The following KCNB2 variants were observed in gnomAD, a reference collection of about 807,000 sequenced individuals.
KCNB2 encodes the protein potassium voltage-gated channel subfamily B member 2.
KCNB2 carries 15 observed loss-of-function variants against 61.5 expected under a neutral mutation model. The observed-to-expected ratio is 0.24, with a 90% confidence interval of 0.16 to 0.38. The LOEUF is 0.38. KCNB2 is among the 10% of genes least tolerant of loss of function. KCNB2 has a pLI of 1.00. For synonymous variants in KCNB2, 457 were observed against 446.0 expected (o/e 1.02, Z -0.31); for missense variants, 828 against 1,125.2 (o/e 0.74, Z 3.78).
At chr8:72,592,667 T>C (rs182215817) in intron 2 of KCNB2, among the ~76,000 whole-genome samples, 166 of 152,290 alleles carry the variant, frequency 1.1e-3, no homozygotes, top group African/African-American at 3.7e-3. Flanking sequence ...ATTTCCTTTT[T>C]CTTGTCTTGG....
intron 2 of KCNB2, among the ~76,000 whole-genome samples, chr8:72,867,849 G>A (rs1585942561): frequency 6.6e-6 from 1 of 152,132 alleles, no homozygotes; most frequent in Middle Eastern, 3.4e-3. Context: ...TCTAGACTAG[G>A]GCGGTGGAGC....
intron 2 of KCNB2, among the ~76,000 whole-genome samples, chr8:72,588,770 G>T (rs567731307): frequency 2.0e-5 from 3 of 152,052 alleles, no homozygotes; most frequent in South Asian, 2.1e-4. Context: ...AATTAGCCAG[G>T]CTGTAGTCCT....
chr8:72,712,003 A>G (rs950913566), intron 2 of KCNB2, among the ~76,000 whole-genome samples: 4 of 152,220 alleles, frequency 2.6e-5, no homozygotes, highest in African/African-American at 9.6e-5. Flanking sequence ...AGAAAAAGAA[A>G]AAGTGAATTA....
intron 2 of KCNB2, among the ~76,000 whole-genome samples, chr8:72,793,379 C>A (rs1323229865): frequency 6.6e-6 from 1 of 152,232 alleles, no homozygotes; most frequent in Middle Eastern, 3.4e-3. Context: ...AGCCAAGAAA[C>A]AAATGACAAG....
chr8:72,929,683 A>C (rs899094699), intron 2 of KCNB2, among the ~76,000 whole-genome samples: 2 of 152,200 alleles, frequency 1.3e-5, no homozygotes, highest in African/African-American at 4.8e-5. Flanking sequence ...GTTAGAGGTT[A>C]AGTGACCTTG....
At chr8:72,603,261 A>G (rs1266282940) in intron 2 of KCNB2, among the ~76,000 whole-genome samples, 5 of 152,130 alleles carry the variant, frequency 3.3e-5, no homozygotes. Context: ...ATTTGGTTCC[A>G]GTCTTCTTTT....
chr8:72,669,943 G>A lies in KCNB2; in HGVS notation c.579+101630G>A, dbSNP rs555899056. ...CATGAATGTGCCTAAGAGCTAATTA[G>A]CATCATACAGAGAACACCTGCCAGG... is the stretch of plus-strand genomic sequence containing the variant. On this transcript the variant is annotated intron_variant, in intron 2 of 2. Transcript: ENST00000523207. Among the ~76,000 whole-genome samples the A allele has an allele frequency of 1.4e-3, 215 of 152,286 alleles. 1 individual carries two copies. The highest frequency in any genetic ancestry group is 4.8e-3 in the African/African-American group (199 of 41,566).
chr8:72,708,251 A>G (rs1807265737), intron 2 of KCNB2, among the ~76,000 whole-genome samples: 1 of 152,224 alleles, frequency 6.6e-6, no homozygotes, highest in Admixed American at 6.5e-5. Context: ...TTTCCAGCAC[A>G]GATGGTAAGA....
intron 2 of KCNB2, among the ~76,000 whole-genome samples, chr8:72,601,617 T>A (rs1805353141): frequency 6.6e-6 from 1 of 152,222 alleles, no homozygotes; most frequent in Non-Finnish European, 1.5e-5. Flanking sequence ...TCATTACAAC[T>A]TGATTGATGA....
At chr8:72,561,726 T>A (rs1433219743) in intron 1 of KCNB2, among the ~76,000 whole-genome samples, 2 of 17,304 alleles carry the variant, frequency 1.2e-4, no homozygotes, top group Non-Finnish European at 1.7e-4. Context: ...TATATATATA[T>A]ATCTATATCT....
intron 2 of KCNB2, among the ~76,000 whole-genome samples, chr8:72,677,808 G>A (rs901671439): frequency 1.3e-5 from 2 of 152,122 alleles, no homozygotes; most frequent in Admixed American, 6.6e-5. Flanking sequence ...TAAACAAATA[G>A]TGGAGTGCTT....
At chr8:72,932,162 TG>T (rs993993164) in intron 2 of KCNB2, among the ~76,000 whole-genome samples, 7 of 152,054 alleles carry the variant, frequency 4.6e-5, no homozygotes, top group Non-Finnish European at 1.0e-4. Context: ...GCAGAGGAAC[TG>T]GGAAAGGAGA....
chr8:72,599,618 C>T (rs1391570440), intron 2 of KCNB2, among the ~76,000 whole-genome samples: 3 of 152,130 alleles, frequency 2.0e-5, no homozygotes, highest in Non-Finnish European at 2.9e-5. Context: ...AACTAAAGAG[C>T]TTCTGCACAG....
chr8:72,611,206 A>G (rs899954491), intron 2 of KCNB2, among the ~76,000 whole-genome samples: 2 of 152,224 alleles, frequency 1.3e-5, no homozygotes, highest in African/African-American at 4.8e-5. Flanking sequence ...ATTTCTGACA[A>G]TTATGCATAT....
At chr8:72,821,114 C>T (rs1315242244) in intron 2 of KCNB2, among the ~76,000 whole-genome samples, 1 of 151,966 alleles carries the variant, frequency 6.6e-6, no homozygotes, top group Non-Finnish European at 1.5e-5. Flanking sequence ...CGATATTATC[C>T]AATAGACAAA....
intron 1 of KCNB2, among the ~76,000 whole-genome samples, chr8:72,566,479 T>A (rs1806627344): frequency 6.6e-6 from 1 of 151,920 alleles, no homozygotes; most frequent in African/African-American, 2.4e-5. Flanking sequence ...GCCAGCGGAT[T>A]GCTTAAGCTT....
intron 2 of KCNB2, among the ~76,000 whole-genome samples, chr8:72,860,464 A>G (rs1810281686): frequency 6.6e-6 from 1 of 152,198 alleles, no homozygotes; most frequent in South Asian, 2.1e-4. Context: ...CTTACTAGTC[A>G]TTTGTATTAA....
chr8:72,565,577 A>T (rs1256210480), intron 1 of KCNB2, among the ~76,000 whole-genome samples: 1 of 152,122 alleles, frequency 6.6e-6, no homozygotes, highest in South Asian at 2.1e-4. Context: ...CAGATCAATA[A>T]GAGGGACTAC....
intron 2 of KCNB2, among the ~76,000 whole-genome samples, chr8:72,632,630 A>G (rs1317313368): frequency 3.9e-5 from 6 of 152,212 alleles, no homozygotes; most frequent in African/African-American, 7.2e-5. Context: ...GTCTTCATTC[A>G]TAAATTATAG....
Sources: allele counts gnomAD v4.1 joint callset (sites outside exome capture counted in the v4.1 genomes callset), GRCh38; gene constraint gnomAD v4.1.1; transcripts MANE v1.5; gene names NCBI Gene and HGNC (gene_info 2026-07-23, HGNC 2026-07-21).